BLTP1: variants seen among roughly 807,000 people sequenced by gnomAD.
The protein encoded by BLTP1 is fragile site-associated protein.
At chr4:122,265,111 T>C in the BLTP1 span, among the ~76,000 whole-genome samples, 33 of 152,124 alleles carry the variant, frequency 2.2e-4, no homozygotes, top group African/African-American at 8.0e-4. Flanking sequence ...CTTGAGCATA[T>C]TTACATACAG....
At chr4:122,343,854 T>A in the BLTP1 span, 8 of 657,700 alleles carry the variant, frequency 1.2e-5, no homozygotes, top group Non-Finnish European at 1.5e-5. Flanking sequence ...AGCACAGTAA[T>A]CTCTGGATAT....
At chr4:122,262,775 A>G in the BLTP1 span, 6 of 1,600,392 alleles carry the variant, frequency 3.7e-6, no homozygotes, top group Non-Finnish European at 4.3e-6. Context: ...GCATTCACCC[A>G]TATCATTCTC....
At chr4:122,257,524 T>A in the BLTP1 span, 2 of 1,604,676 alleles carry the variant, frequency 1.2e-6, no homozygotes, top group Non-Finnish European at 1.7e-6. Context: ...ATTGAGTACT[T>A]TCTTACACCT....
the BLTP1 span, chr4:122,298,882 G>A: frequency 1.0e-6 from 1 of 985,236 alleles, no homozygotes; most frequent in Non-Finnish European, 1.2e-6. Context: ...TGCTGAGAAT[G>A]AGATAAGAAT....
chr4:122,193,221 A>T, the BLTP1 span, among the ~76,000 whole-genome samples: 1 of 152,304 alleles, frequency 6.6e-6, no homozygotes, highest in African/African-American at 2.4e-5. Flanking sequence ...GGACTTCAGC[A>T]TATGAATTTT....
the BLTP1 span, chr4:122,289,268 T>G: frequency 9.5e-7 from 1 of 1,053,014 alleles, no homozygotes; most frequent in Non-Finnish European, 1.4e-6. Flanking sequence ...CATATATCTG[T>G]GGTATAAGTA....
chr4:122,306,463 A>G, the BLTP1 span: 1 of 616,992 alleles, frequency 1.6e-6, no homozygotes, highest in Non-Finnish European at 2.0e-6. Flanking sequence ...AAGAAAACAA[A>G]GTAGACTACA....
chr4:122,231,513 G>C, the BLTP1 span: 1 of 335,654 alleles, frequency 3.0e-6, no homozygotes, highest in Non-Finnish European at 4.2e-6. Context: ...TCACCTTTTT[G>C]TGATCTCTGT....
At chr4:122,270,969 T>C in the BLTP1 span, 1 of 1,504,028 alleles carries the variant, frequency 6.6e-7, no homozygotes, top group Non-Finnish European at 8.9e-7. Flanking sequence ...TGTATGTTTC[T>C]GGAAAAATGG....
chr4:122,229,341 G>A, the BLTP1 span: 1 of 884,832 alleles, frequency 1.1e-6, no homozygotes, highest in Non-Finnish European at 1.6e-6. Flanking sequence ...TCATCTCACA[G>A]ACAGCCACAA....
At chr4:122,338,616 C>T in the BLTP1 span, among the ~76,000 whole-genome samples, 1 of 152,096 alleles carries the variant, frequency 6.6e-6, no homozygotes, top group Non-Finnish European at 1.5e-5. Context: ...GGCTGTAGGA[C>T]TACCCCTGCC....
At chr4:122,341,666 A>G in the BLTP1 span, 42 of 978,276 alleles carry the variant, frequency 4.3e-5, no homozygotes, top group Non-Finnish European at 4.7e-5. Flanking sequence ...GAATGATGAT[A>G]AGAATATATA....
chr4:122,326,316 A>G, the BLTP1 span, among the ~76,000 whole-genome samples: 1 of 151,910 alleles, frequency 6.6e-6, no homozygotes, highest in Admixed American at 6.6e-5. Flanking sequence ...CTTTTGAGTC[A>G]CTGGTGTAAA....
At chr4:122,305,423 T>C in the BLTP1 span, 1 of 956,080 alleles carries the variant, frequency 1.0e-6, no homozygotes, top group Non-Finnish European at 1.2e-6. Context: ...CACAGCTTAT[T>C]GGAGATTTTT....
the BLTP1 span, chr4:122,337,162 G>T: frequency 1.4e-6 from 1 of 713,088 alleles, no homozygotes; most frequent in Non-Finnish European, 2.3e-6. Context: ...ATGGCTTGGA[G>T]GTTGCCAGAA....
chr4:122,239,926 G>A, the BLTP1 span: 2 of 1,613,918 alleles, frequency 1.2e-6, no homozygotes, highest in Non-Finnish European at 1.7e-6. Flanking sequence ...ACTTATCCGG[G>A]TAGAAAAAAG....
At chr4:122,276,000 A>G in the BLTP1 span, 1 of 1,583,306 alleles carries the variant, frequency 6.3e-7, no homozygotes, top group South Asian at 1.2e-5. Flanking sequence ...ATCTCCTACA[A>G]GTACAGCCAA....
the BLTP1 span, among the ~76,000 whole-genome samples, chr4:122,217,367 ATT>A: frequency 7.2e-4 from 102 of 141,984 alleles, no homozygotes; most frequent in African/African-American, 2.5e-3. Context: ...GAATTTTAGG[ATT>A]TTTTTTTTTT....
chr4:122,214,629 T>C, the BLTP1 span: 6 of 636,090 alleles, frequency 9.4e-6, no homozygotes, highest in Non-Finnish European at 1.2e-5. Flanking sequence ...TTTTTTTTTT[T>C]TTTTTTTTTT....
Sources: allele counts gnomAD v4.1 joint callset (sites outside exome capture counted in the v4.1 genomes callset), GRCh38; gene constraint gnomAD v4.1.1; transcripts MANE v1.5; gene names NCBI Gene and HGNC (gene_info 2026-07-23, HGNC 2026-07-21).